Variants in CSMD1 observed in about 807,000 individuals in gnomAD.
CSMD1 encodes the protein CUB and Sushi multiple domains 1, also known as CUB and sushi domain-containing protein 1.
In CSMD1, 213 loss-of-function variants were observed where a neutral mutation model predicts 417.5. That is an observed-to-expected ratio of 0.51 (90% CI 0.46 to 0.57). The LOEUF (loss-of-function observed/expected upper bound fraction) is 0.57. CSMD1 is among the 20% of genes least tolerant of loss of function. The pLI is 0.00. For synonymous variants in CSMD1, 2,862 were observed against 1,736.8 expected (o/e 1.65, Z -16.11); for missense variants, 6,923 against 4,529.7 (o/e 1.53, Z -15.17).
chr8:4,709,967 G>T (rs1007229188), intron 1 of CSMD1, among the ~76,000 whole-genome samples: 1 of 152,128 alleles, frequency 6.6e-6, no homozygotes, highest in African/African-American at 2.4e-5. Flanking sequence ...ATATCAGGTC[G>T]ATTTAGAAAT....
chr8:4,534,133 T>G (rs73498613), intron 2 of CSMD1, among the ~76,000 whole-genome samples: 2,807 of 152,252 alleles, frequency 0.018, 85 homozygotes, highest in African/African-American at 0.065. Flanking sequence ...TAATGGCATT[T>G]GTCAGAACTT....
At chr8:3,804,181 C>T (rs1800606042) in intron 5 of CSMD1, among the ~76,000 whole-genome samples, 1 of 152,116 alleles carries the variant, frequency 6.6e-6, no homozygotes, top group Non-Finnish European at 1.5e-5. Flanking sequence ...ATCTGCCCAC[C>T]TCAGCCTCCA....
chr8:4,654,447 G>C (rs17070988), intron 1 of CSMD1, among the ~76,000 whole-genome samples: 6,009 of 152,126 alleles, frequency 0.04, 399 homozygotes, highest in African/African-American at 0.13. Flanking sequence ...GAAAAGGAAA[G>C]TAGGAACTTG....
rs60393654 is a variant in CSMD1, at chr8:4,672,803, T to G, written c.86-35245A>C. 6.5e-3 allele frequency among the ~76,000 whole-genome samples: 978 copies of G among 151,298 alleles called. 13 individuals are homozygous for G. Among genetic ancestry groups the G allele is most frequent in the African/African-American group, 0.023 (937 of 41,176 alleles). On this transcript the variant is annotated intron_variant, in intron 1 of 69. Coordinates refer to ENST00000635120, the MANE Select transcript of CSMD1 (RefSeq NM_033225.6). ...CATGACACACATACTTACACTCACATGCATGGTAACAAAACACACACACAC... is the reference window on the plus strand; with the variant it reads ...CATGACACACATACTTACACTCACAGGCATGGTAACAAAACACACACACAC...
chr8:3,297,219 A>G (rs1022235954), intron 25 of CSMD1, among the ~76,000 whole-genome samples: 4 of 152,192 alleles, frequency 2.6e-5, no homozygotes, highest in Non-Finnish European at 5.9e-5. Flanking sequence ...AGGACCAGAA[A>G]GTTCAGTATT....
chr8:3,394,879 A>C (rs1313788911), intron 17 of CSMD1, among the ~76,000 whole-genome samples: 1 of 152,186 alleles, frequency 6.6e-6, no homozygotes, highest in African/African-American at 2.4e-5. Flanking sequence ...TAAATTTGAA[A>C]TTTGTCATTA....
chr8:4,543,059 A>T (rs2130524259), intron 2 of CSMD1, among the ~76,000 whole-genome samples: 1 of 152,220 alleles, frequency 6.6e-6, no homozygotes, highest in East Asian at 1.9e-4. Flanking sequence ...TTTCATATAT[A>T]CCCCTCACAT....
intron 23 of CSMD1, among the ~76,000 whole-genome samples, chr8:3,309,067 G>C (rs1198155705): frequency 2.0e-5 from 3 of 152,064 alleles, no homozygotes; most frequent in Non-Finnish European, 2.9e-5. Flanking sequence ...TCATCTGTCA[G>C]TCCAAGCCTC....
intron 5 of CSMD1, among the ~76,000 whole-genome samples, chr8:3,905,365 C>G (rs1314526584): frequency 1.3e-5 from 2 of 152,118 alleles, no homozygotes; most frequent in African/African-American, 2.4e-5. Flanking sequence ...AAAAAAAGTT[C>G]TTTAGATTTT....
intron 3 of CSMD1, among the ~76,000 whole-genome samples, chr8:4,349,345 G>C (rs1413297955): frequency 1.3e-5 from 2 of 152,134 alleles, no homozygotes; most frequent in Non-Finnish European, 2.9e-5. Flanking sequence ...ATAAGATGTA[G>C]GTGTTATCGT....
chr8:3,071,003 C>A (rs756403535), intron 49 of CSMD1, among the ~76,000 whole-genome samples: 1 of 152,222 alleles, frequency 6.6e-6, no homozygotes, highest in Non-Finnish European at 1.5e-5. Flanking sequence ...AGATTTTAAT[C>A]ATGGCAGAAG....
intron 2 of CSMD1, among the ~76,000 whole-genome samples, chr8:4,580,936 C>T (rs1256065188): frequency 6.6e-6 from 1 of 152,212 alleles, no homozygotes; most frequent in African/African-American, 2.4e-5. Context: ...CACATTTTTA[C>T]ATCACTTTTA....
Position 3,810,989 on chromosome 8 carries a change from G to A in CSMD1, c.819-56947C>T, listed in dbSNP as rs541482182. ...TTAATATAAGTACAAGTACTTTAAA[G>A]CTATGAATTAACACTGTTCCATCCG... On this transcript the variant is annotated intron_variant, in intron 5 of 69. Coordinates refer to ENST00000635120, the MANE Select transcript of CSMD1 (RefSeq NM_033225.6). 2.4e-4 allele frequency among the ~76,000 whole-genome samples: 36 copies of A among 152,250 alleles called. No individual in the cohort carries two copies. The South Asian group carries it at 7.5e-3, about 32-fold the overall frequency.
At chr8:3,445,995 G>A (rs1047185068) in intron 12 of CSMD1, among the ~76,000 whole-genome samples, 1 of 152,122 alleles carries the variant, frequency 6.6e-6, no homozygotes, top group Non-Finnish European at 1.5e-5. Context: ...AGAAGGGAAT[G>A]TAATGGAAAG....
intron 5 of CSMD1, among the ~76,000 whole-genome samples, chr8:3,768,276 T>C (rs994145007): frequency 1.3e-5 from 2 of 152,182 alleles, no homozygotes; most frequent in Admixed American, 6.5e-5. Context: ...GTGAATATCA[T>C]GATTGAGCTA....
intron 3 of CSMD1, among the ~76,000 whole-genome samples, chr8:4,400,340 G>A (rs967117373): frequency 1.3e-5 from 2 of 152,216 alleles, no homozygotes; most frequent in African/African-American, 4.8e-5. Context: ...TTTTGTGTGT[G>A]TTATAAATTG....
intron 2 of CSMD1, among the ~76,000 whole-genome samples, chr8:4,601,639 C>T (rs1271082253): frequency 1.3e-5 from 2 of 152,104 alleles, no homozygotes; most frequent in East Asian, 3.9e-4. Flanking sequence ...CAAAGTATGG[C>T]GGATGTCTCA....
chr8:4,157,290 T>C (rs1403976899), intron 3 of CSMD1, among the ~76,000 whole-genome samples: 3 of 152,186 alleles, frequency 2.0e-5, no homozygotes, highest in African/African-American at 7.2e-5. Context: ...GTGATGCAAT[T>C]GCAGAGCTGG....
chr8:4,014,770 G>C (rs533832763), intron 4 of CSMD1, among the ~76,000 whole-genome samples: 1 of 152,236 alleles, frequency 6.6e-6, no homozygotes, highest in Non-Finnish European at 1.5e-5. Context: ...ATTTACCTGG[G>C]CATGGATTCA....
Sources: allele counts gnomAD v4.1 joint callset (sites outside exome capture counted in the v4.1 genomes callset), GRCh38; gene constraint gnomAD v4.1.1; transcripts MANE v1.5; gene names NCBI Gene and HGNC (gene_info 2026-07-23, HGNC 2026-07-21).